ANO1: variants seen among roughly 807,000 people sequenced by gnomAD.
The protein encoded by ANO1 is anoctamin-1.
Under a neutral mutation model 124.0 loss-of-function variants are expected in ANO1, and 59 were observed. The observed-to-expected ratio is 0.48, with a 90% CI of 0.39 to 0.59. The LOEUF (loss-of-function observed/expected upper bound fraction) is 0.59, where lower values mean the gene tolerates loss of function less well. Ranked by LOEUF, ANO1 falls within the 20% of genes least tolerant of loss-of-function variation. The pLI is 0.00. For synonymous variants in ANO1, 529 were observed against 532.0 expected (o/e 0.99, Z 0.08); for missense variants, 1,059 against 1,328.0 (o/e 0.80, Z 3.15).
chr11:70,106,890 C>G (rs1359763975), intron 5 of ANO1, among the ~76,000 whole-genome samples: 2 of 152,154 alleles, frequency 1.3e-5, no homozygotes, highest in Non-Finnish European at 2.9e-5. Context: ...GGGAGAGGCC[C>G]ACTGTGCTGG....
intron 9 of ANO1, among the ~76,000 whole-genome samples, chr11:70,125,267 C>T (rs947699901): frequency 6.6e-6 from 1 of 151,954 alleles, no homozygotes; most frequent in African/African-American, 2.4e-5. Context: ...CGCTTGAACC[C>T]GAGAGGCGGA....
At chr11:70,086,968 A>G (rs1345258504) in intron 1 of ANO1, among the ~76,000 whole-genome samples, 1 of 152,248 alleles carries the variant, frequency 6.6e-6, no homozygotes, top group Admixed American at 6.5e-5. Context: ...CCACCTTGAC[A>G]TGGCACTGCC....
intron 1 of ANO1, among the ~76,000 whole-genome samples, chr11:70,069,012 T>C (rs1301753851): frequency 6.6e-6 from 1 of 152,228 alleles, no homozygotes; most frequent in Non-Finnish European, 1.5e-5. Flanking sequence ...CTGGGCTTCA[T>C]GCCTCAGGAC....
intron 1 of ANO1, among the ~76,000 whole-genome samples, chr11:70,027,311 C>G (rs556525114): frequency 1.3e-5 from 2 of 152,160 alleles, no homozygotes; most frequent in Non-Finnish European, 2.9e-5. Flanking sequence ...CATTAGCCTA[C>G]AGCCGGGCAG....
chr11:70,150,371 A>G (rs149345901), intron 12 of ANO1, among the ~76,000 whole-genome samples: 28 of 152,306 alleles, frequency 1.8e-4, no homozygotes, highest in African/African-American at 6.5e-4. Context: ...TGCCAGGTGA[A>G]CCATACTCCC....
At chr11:70,104,255 G>A (rs190802647) in intron 4 of ANO1, 105 bp downstream of exon 4, 111 of 1,329,778 alleles carry the variant, frequency 8.3e-5, no homozygotes, top group African/African-American at 2.7e-4. Flanking sequence ...AAAGAAGAGC[G>A]TGTTCTTGTA....
intron 1 of ANO1, among the ~76,000 whole-genome samples, chr11:69,989,879 C>T (rs56003637): frequency 0.33 from 49,464 of 151,940 alleles, 8,190 homozygotes; most frequent in Admixed American, 0.34. Context: ...TCTGAGATTT[C>T]CAGATTGAGT....
chr11:70,173,807 T>C (rs562064962), intron 22 of ANO1, among the ~76,000 whole-genome samples: 1 of 152,214 alleles, frequency 6.6e-6, no homozygotes, highest in South Asian at 2.1e-4. Flanking sequence ...TCCCAGCACT[T>C]TGGGAGGCCG....
At chr11:70,117,947 C>T (rs970902827) in intron 8 of ANO1, among the ~76,000 whole-genome samples, 3 of 152,200 alleles carry the variant, frequency 2.0e-5, no homozygotes, top group Non-Finnish European at 4.4e-5. Context: ...TAACATCTGG[C>T]ATCGTCTGGG....
chr11:70,050,051 CCTGGG>C (rs1857327732), intron 1 of ANO1, among the ~76,000 whole-genome samples: 1 of 152,162 alleles, frequency 6.6e-6, no homozygotes, highest in African/African-American at 2.4e-5. Flanking sequence ...GAGATGGCAC[CCTGGG>C]CTGTTTTAGG....
At chr11:70,040,223 A>G (rs1565166838) in intron 1 of ANO1, among the ~76,000 whole-genome samples, 1 of 152,072 alleles carries the variant, frequency 6.6e-6, no homozygotes, top group East Asian at 1.9e-4. Flanking sequence ...TGTGTGAGCT[A>G]ATCATAAGGA....
At chr11:70,152,683 G>T (rs895324022) in intron 13 of ANO1, among the ~76,000 whole-genome samples, 1 of 152,210 alleles carries the variant, frequency 6.6e-6, no homozygotes, top group Non-Finnish European at 1.5e-5. Flanking sequence ...GCACCTCTGG[G>T]CTTCCTGCGC....
intron 1 of ANO1, among the ~76,000 whole-genome samples, chr11:69,986,809 A>T (rs1166633911): frequency 2.0e-5 from 3 of 152,102 alleles, no homozygotes; most frequent in Non-Finnish European, 4.4e-5. Flanking sequence ...TGTTTCCTGG[A>T]TGATTCTCCC....
chr11:70,163,675 G>C (rs61885501), intron 19 of ANO1: 11,550 of 555,326 alleles, frequency 0.021, 145 homozygotes, highest in Middle Eastern at 0.03. Flanking sequence ...AGTGGCTCAT[G>C]CCTGTAATCC....
At chr11:70,059,598 T>G (rs1857524995) in intron 1 of ANO1, among the ~76,000 whole-genome samples, 1 of 151,974 alleles carries the variant, frequency 6.6e-6, no homozygotes, top group Non-Finnish European at 1.5e-5. Context: ...ACAAGCCTGA[T>G]GCGTAGGAAA....
intron 2 of ANO1, among the ~76,000 whole-genome samples, chr11:70,096,471 A>G (rs2044967049): frequency 6.6e-6 from 1 of 152,212 alleles, no homozygotes; most frequent in Non-Finnish European, 1.5e-5. Flanking sequence ...GTGACATGAC[A>G]TTCTCACTGG....
rs2048038010 is a variant in ANO1 at position 70,161,374 on chromosome 11, T to C, written c.1780+12T>C. On this transcript the variant is annotated intron_variant, in intron 17 of 25. Transcript: ENST00000355303. ...GCTCACCAAGATCGGTGAGTGCCCATGTTCCAGGTACTGTGGCCTGGACTC... is the reference window on the plus strand; with the variant it reads ...GCTCACCAAGATCGGTGAGTGCCCACGTTCCAGGTACTGTGGCCTGGACTC... 2.5e-6 allele frequency: 4 copies of C among 1,613,166 alleles called. No homozygotes were observed. Among genetic ancestry groups the C allele is most frequent in the Non-Finnish European group, 3.4e-6 (4 of 1,179,230 alleles).
chr11:70,176,575 A>C (rs776313271), intron 22 of ANO1, among the ~76,000 whole-genome samples: 22 of 152,202 alleles, frequency 1.4e-4, no homozygotes, highest in Non-Finnish European at 2.6e-4. Flanking sequence ...AACAGGCTTC[A>C]GAGAGAATAG....
At chr11:70,003,746 C>T (rs566588158) in intron 1 of ANO1, among the ~76,000 whole-genome samples, 2 of 152,228 alleles carry the variant, frequency 1.3e-5, no homozygotes, top group South Asian at 2.1e-4. Context: ...GATCAAATCA[C>T]TCCAATCCTA....
Sources: allele counts gnomAD v4.1 joint callset (sites outside exome capture counted in the v4.1 genomes callset), GRCh38; gene constraint gnomAD v4.1.1; transcripts MANE v1.5; gene names NCBI Gene and HGNC (gene_info 2026-07-23, HGNC 2026-07-21).